Variants in TNFAIP8L3 observed in about 807,000 individuals in gnomAD.
TNFAIP8L3 encodes TNF alpha induced protein 8 like 3.
In TNFAIP8L3, 7 loss-of-function variants were observed where a neutral mutation model predicts 11.8. The observed-to-expected ratio is 0.59, with a 90% CI of 0.34 to 1.11. The LOEUF is 1.11. TNFAIP8L3 is among the 50% of genes most tolerant of loss of function. The pLI is 0.03. For missense variants in TNFAIP8L3, 219 were observed against 258.6 expected (o/e 0.85, Z 1.05); for synonymous variants, 98 against 103.8 (o/e 0.94, Z 0.34).
At chr15:51,071,036 G>A (rs1457022248) in intron 1 of TNFAIP8L3, among the ~76,000 whole-genome samples, 1 of 113,760 alleles carries the variant, frequency 8.8e-6, no homozygotes, top group African/African-American at 3.3e-5. Flanking sequence ...GGGCGACAGA[G>A]CGAGACTCCG....
chr15:51,077,371 G>A (rs919876618), intron 1 of TNFAIP8L3, among the ~76,000 whole-genome samples: 2 of 152,194 alleles, frequency 1.3e-5, no homozygotes, highest in Non-Finnish European at 2.9e-5. Context: ...CTCAAGGCCA[G>A]CCCTTCCCGC....
upstream of TNFAIP8L3, among the ~76,000 whole-genome samples, chr15:51,094,998 C>T (rs2065502382): frequency 1.3e-5 from 2 of 151,970 alleles, no homozygotes; most frequent in African/African-American, 4.8e-5. This position sits in a 1 kb window ranked among gnomAD's most constrained non-coding sequence, Gnocchi z 4.4. Flanking sequence ...GGACTTGCCT[C>T]GCGCGGCGAG....
Position 51,094,506 on chromosome 15 carries a change from C to T in TNFAIP8L3, c.52+38G>A. The T allele has an allele frequency of 6.9e-7, 1 of 1,459,616 alleles. No homozygotes were observed. Among genetic ancestry groups the T allele is most frequent in the Non-Finnish European group, 9.0e-7 (1 of 1,108,898 alleles). The allele number at this position is 1,459,616 out of a possible 1,614,324, so 90.4% of individuals were successfully genotyped here. A position where few individuals can be genotyped will look rare whatever the true frequency, so the allele number is the denominator to read the frequency against. ...CCCCAGCCTCCCGTCCTCCCCAGCCCCAGCCCACCCGCCTGGGCCGTCGCG... is the reference window on the plus strand; with the variant it reads ...CCCCAGCCTCCCGTCCTCCCCAGCCTCAGCCCACCCGCCTGGGCCGTCGCG... On this transcript the variant is annotated intron_variant, in intron 1 of 1. Coordinates refer to ENST00000637513, the MANE Select transcript of TNFAIP8L3 (RefSeq NM_001311175.2). The surrounding 1 kb of genome is among the most constrained non-coding windows in gnomAD (Gnocchi z 4.4).
At chr15:51,060,294 C>T (rs1253238525) in intron 1 of TNFAIP8L3, among the ~76,000 whole-genome samples, 1 of 152,208 alleles carries the variant, frequency 6.6e-6, no homozygotes, top group Non-Finnish European at 1.5e-5. Context: ...CAGAAGATTG[C>T]ACTGTATGCT....
intron 1 of TNFAIP8L3, among the ~76,000 whole-genome samples, chr15:51,087,078 G>A (rs915582623): frequency 5.3e-5 from 8 of 152,058 alleles, no homozygotes; most frequent in African/African-American, 1.7e-4. Flanking sequence ...TAGTAGAGAT[G>A]GCTGGTCTTG....
upstream of TNFAIP8L3, among the ~76,000 whole-genome samples, chr15:51,099,225 A>C (rs1040226274): frequency 6.6e-6 from 1 of 152,132 alleles, no homozygotes; most frequent in African/African-American, 2.4e-5. Context: ...TTCCTTCCAC[A>C]CTTTCTTTGT....
Position 51,058,365 on chromosome 15 carries a change from A to G in TNFAIP8L3, c.131T>C (p.Val44Ala), listed in dbSNP as rs1595603488. 3 of 1,614,062 alleles carry G rather than the reference A, an allele frequency of 1.9e-6. No individual in the cohort carries two copies. In the East Asian group the frequency reaches 6.7e-5, roughly 36 times the overall value. Residue 44 changes from valine (V) to alanine (A), a missense_variant, in exon 2 of 2, where the codon GTG (valine) becomes GCG (alanine). Physicochemically the swap from Val to Ala is moderately conservative, Grantham distance 64 (BLOSUM62 0). Coordinates refer to ENST00000637513, the MANE Select transcript of TNFAIP8L3 (RefSeq NM_001311175.2). ...GGTGTCATCAATCAACATGTTGGCC[A>G]CAGTTTTGCTGGCTATTTTGCTCAG... ...KILSKIASKT[V>A]ANMLIDDTSS...
Position 51,094,541 on chromosome 15 carries a change from T to C in TNFAIP8L3, c.52+3A>G. On this transcript the variant is annotated splice_donor_region_variant and intron_variant, in intron 1 of 1. Transcript: ENST00000637513. The surrounding 1 kb of genome is among the most constrained non-coding windows in gnomAD (Gnocchi z 4.4). Reference sequence around the variant, plus strand: ...CGCCTGGGCCGTCGCGGCCCCTAGGTACCTGCGGCGGTCACGGGCTCGCCC... The same window carrying C: ...CGCCTGGGCCGTCGCGGCCCCTAGGCACCTGCGGCGGTCACGGGCTCGCCC... 6.7e-7 allele frequency: 1 copy of C among 1,497,382 alleles called. No homozygotes were observed. Among genetic ancestry groups the C allele is most frequent in the Non-Finnish European group, 8.9e-7 (1 of 1,127,538 alleles). The allele number at this position is 1,497,382 out of a possible 1,614,324, so 92.8% of individuals were successfully genotyped here. A position where few individuals can be genotyped will look rare whatever the true frequency, so the allele number is the denominator to read the frequency against.
In TNFAIP8L3 at chr15:51,058,297, G is replaced by A. The variant is rs1251604454; in HGVS notation, c.199C>T (p.His67Tyr). 1 of 1,614,120 alleles carries A rather than the reference G, an allele frequency of 6.2e-7. No individual in the cohort carries two copies. The highest frequency in any genetic ancestry group is 8.5e-7 in the Non-Finnish European group (1 of 1,180,020). The change falls in exon 2 of 2, where the codon CAC becomes TAC. Residue 67 changes from histidine to tyrosine, a missense_variant. Physicochemically the swap from His to Tyr is moderately conservative, Grantham distance 83. Transcript: ENST00000637513. ...FDELYKVTKE[H>Y]THNKKEAHKI... ...TGGGCTTCCTTCTTGTTGTGTGTGT[G>A]CTCTTTGGTGACTTTGTAGAGCTCA... is the stretch of plus-strand genomic sequence containing the variant.
At chr15:51,071,151 A>G (rs1390203276) in intron 1 of TNFAIP8L3, among the ~76,000 whole-genome samples, 8 of 149,408 alleles carry the variant, frequency 5.4e-5, no homozygotes, top group Non-Finnish European at 1.1e-4. Flanking sequence ...AAACATATAC[A>G]TAAACATAAA....
Position 51,094,447 on chromosome 15 carries a change from T to C in TNFAIP8L3, c.52+97A>G. ...ATCCCCAGTCTTGGCCTGGAAGGGG[T>C]CGGGCTGCTGAGGATCGGCTTCCCG... On this transcript the variant is annotated intron_variant, in intron 1 of 1. Coordinates refer to ENST00000637513, the MANE Select transcript of TNFAIP8L3 (RefSeq NM_001311175.2). This position sits in a 1 kb window ranked among gnomAD's most constrained non-coding sequence, Gnocchi z 4.4. The C allele has an allele frequency of 7.8e-7, 1 of 1,288,548 alleles. No individual in the cohort carries two copies. Among genetic ancestry groups the C allele is most frequent in the South Asian group, 1.7e-5 (1 of 57,998 alleles). The allele number at this position is 1,288,548 out of a possible 1,614,324, so 79.8% of individuals were successfully genotyped here.
At chr15:51,096,998 A>G (rs983501373), upstream of TNFAIP8L3, among the ~76,000 whole-genome samples, 1 of 152,196 alleles carries the variant, frequency 6.6e-6, no homozygotes, top group Non-Finnish European at 1.5e-5. Flanking sequence ...AAAGTTTGCC[A>G]TAATAGCTTT....
upstream of TNFAIP8L3, among the ~76,000 whole-genome samples, chr15:51,098,718 TTAACA>T (rs765418479): frequency 4.6e-5 from 7 of 152,262 alleles, no homozygotes; most frequent in Non-Finnish European, 8.8e-5. Flanking sequence ...GCAGTCACGG[TTAACA>T]TATCTTTTGA....
Position 51,058,247 on chromosome 15 carries a change from C to G in TNFAIP8L3, c.249G>C (p.Lys83Asn). 1 of 1,614,168 alleles carries G rather than the reference C, an allele frequency of 6.2e-7. No homozygotes were observed. The highest frequency in any genetic ancestry group is 8.5e-7 in the Non-Finnish European group (1 of 1,180,034). The change falls in exon 2 of 2, where the codon AAG becomes AAC. Residue 83 changes from lysine to asparagine, a missense_variant. By Grantham distance (94) the Lys-to-Asn change is moderately conservative (BLOSUM62 0). Transcript: ENST00000637513. The part of the protein sequence containing the change: ...EAHKIMKDLI[K>N]VAIKIGILYR... ...AGAGGATCCCGATTTTGATCGCCAC[C>G]TTGATTAAGTCTTTCATGATCTTGT...
chr15:51,059,601 G>A (rs569222816), intron 1 of TNFAIP8L3, among the ~76,000 whole-genome samples: 2 of 152,352 alleles, frequency 1.3e-5, no homozygotes, highest in Admixed American at 6.5e-5. Flanking sequence ...AAGGACAGAG[G>A]CAATGTCTCC....
chr15:51,063,923 A>C (rs1366537934), intron 1 of TNFAIP8L3, among the ~76,000 whole-genome samples: 1 of 152,196 alleles, frequency 6.6e-6, no homozygotes, highest in Non-Finnish European at 1.5e-5. Context: ...ACTTTTCCCC[A>C]AGTCACAAAG....
upstream of TNFAIP8L3, among the ~76,000 whole-genome samples, chr15:51,095,258 A>AGGGGAGCGGGGAATAAGGGAAG (rs540054232): frequency 3.1e-4 from 7 of 22,584 alleles, no homozygotes; most frequent in African/African-American, 7.9e-4. Context: ...GAATAAGGGA[A>AGGGGAGCGGGGAATAAGGGAAG]GGGAGCGGGG....
At chr15:51,059,172 A>G (rs1178982466) in intron 1 of TNFAIP8L3, among the ~76,000 whole-genome samples, 1 of 152,222 alleles carries the variant, frequency 6.6e-6, no homozygotes, top group Non-Finnish European at 1.5e-5. Context: ...GAACACAGAC[A>G]TCAGTAACTC....
At chr15:51,095,334 G>A (rs969813145), upstream of TNFAIP8L3, among the ~76,000 whole-genome samples, 31 of 152,174 alleles carry the variant, frequency 2.0e-4, no homozygotes, top group Non-Finnish European at 3.4e-4. Flanking sequence ...AGTAAGACAA[G>A]GCGTGTGCGG....
Sources: allele counts gnomAD v4.1 joint callset (sites outside exome capture counted in the v4.1 genomes callset), GRCh38; gene constraint gnomAD v4.1.1; non-coding constraint Gnocchi (gnomAD v3.1); transcripts MANE v1.5; gene names NCBI Gene and HGNC (gene_info 2026-07-23, HGNC 2026-07-21).